Variants in ELAPOR1 observed in about 807,000 individuals in gnomAD.
The protein encoded by ELAPOR1 is endosome-lysosome associated apoptosis and autophagy regulator 1.
ELAPOR1 carries 77 observed loss-of-function variants against 119.7 expected under a neutral mutation model. The ratio of observed to expected loss-of-function variants is 0.64; its 90% CI spans 0.54 to 0.78. The LOEUF is 0.78. Among genes scored for constraint, ELAPOR1 ranks in the 30% least tolerant of loss-of-function variants. The pLI, the probability that ELAPOR1 is intolerant of heterozygous loss-of-function variation, is 0.00. For synonymous variants in ELAPOR1, 481 were observed against 487.2 expected (o/e 0.99, Z 0.17); for missense variants, 1,115 against 1,270.4 (o/e 0.88, Z 1.86).
chr1:109,151,189 G>T (rs2101019600), intron 1 of ELAPOR1, among the ~76,000 whole-genome samples: 1 of 152,298 alleles, frequency 6.6e-6, no homozygotes, highest in Admixed American at 6.5e-5. Flanking sequence ...AGAGAATCAG[G>T]ATCTTGGTGG....
rs1654295333 is a variant in ELAPOR1 at position 109,203,346 on chromosome 1, G to A, written c.*334G>A. The A allele has an allele frequency of 3.5e-6, 1 of 284,522 alleles. No individual in the cohort carries two copies. Among genetic ancestry groups the A allele is most frequent in the Non-Finnish European group, 6.5e-6 (1 of 152,750 alleles). 17.6% of individuals were successfully genotyped at this position (284,522 alleles called of 1,614,324 possible). Reference sequence around the variant, plus strand: ...AAATATTTCTATCTTCTTAAGTATAGAAACTATTTCCTCTGTCCTCTAACT... The same window carrying A: ...AAATATTTCTATCTTCTTAAGTATAAAAACTATTTCCTCTGTCCTCTAACT... On this transcript the variant is annotated 3_prime_UTR_variant, in exon 22 of 22. Transcript: ENST00000369939.
chr1:109,173,384 T>C, intron 5 of ELAPOR1, 90 bp from the exon 6 acceptor site: 1 of 1,033,852 alleles, frequency 9.7e-7, no homozygotes, highest in Non-Finnish European at 1.5e-6. Flanking sequence ...ATGCAGTTAG[T>C]AAGAGAAGTC....
chr1:109,165,062 G>A (rs953284214), intron 3 of ELAPOR1, among the ~76,000 whole-genome samples: 2 of 152,162 alleles, frequency 1.3e-5, no homozygotes, highest in Non-Finnish European at 2.9e-5. Flanking sequence ...AGGCTAATGT[G>A]GGAGGATTGC....
At chr1:109,177,817 T>G (rs545382047) in intron 7 of ELAPOR1, among the ~76,000 whole-genome samples, 17 of 152,186 alleles carry the variant, frequency 1.1e-4, no homozygotes, top group Non-Finnish European at 2.2e-4. Context: ...GGGCAGGGTT[T>G]GAATGGCAAG....
intron 7 of ELAPOR1, among the ~76,000 whole-genome samples, chr1:109,178,634 C>T (rs1652495016): frequency 6.6e-6 from 1 of 152,194 alleles, no homozygotes; most frequent in African/African-American, 2.4e-5. Context: ...TGCAGTAACT[C>T]TCCATGGTGT....
intron 3 of ELAPOR1, among the ~76,000 whole-genome samples, chr1:109,167,819 G>C (rs553239350): frequency 6.6e-6 from 1 of 152,046 alleles, no homozygotes; most frequent in Non-Finnish European, 1.5e-5. Context: ...ATGTTGCCCA[G>C]GTTGGACTCA....
chr1:109,144,153 G>A (rs187003780), intron 1 of ELAPOR1, among the ~76,000 whole-genome samples: 1 of 143,762 alleles, frequency 7.0e-6, no homozygotes, highest in African/African-American at 2.6e-5. Flanking sequence ...TCCACTTCCC[G>A]GGTTCAAGTG....
At position 109,200,934 on chromosome 1, in the gene ELAPOR1, T is replaced by G. The variant is rs560196795; in HGVS notation, c.2973+34T>G. ...CCTGGCCAGTGCACTGAGGTCAGCC[T>G]GGAGGGCTGGAGGAGACACTGCTCC... On this transcript the variant is annotated intron_variant, in intron 21 of 21. Coordinates refer to ENST00000369939, the MANE Select transcript of ELAPOR1 (RefSeq NM_020775.5). 3.1e-6 allele frequency: 5 copies of G among 1,592,734 alleles called. 1 individual carries two copies. In the East Asian group the frequency reaches 1.1e-4, roughly 36 times the overall value.
intron 1 of ELAPOR1, among the ~76,000 whole-genome samples, chr1:109,119,293 C>T (rs947188532): frequency 1.3e-5 from 2 of 151,498 alleles, no homozygotes; most frequent in African/African-American, 2.4e-5. Context: ...CCCTCCCAGG[C>T]TCAAGCCATC....
At chr1:109,161,845 G>A (rs1368975076) in intron 1 of ELAPOR1, 49 bp from the exon 2 acceptor site, 8 of 1,573,124 alleles carry the variant, frequency 5.1e-6, no homozygotes, top group Non-Finnish European at 7.0e-6. Context: ...AGCTGTTAAT[G>A]TTTGATCACT....
At chr1:109,120,373 C>T (rs909820895) in intron 1 of ELAPOR1, among the ~76,000 whole-genome samples, 3 of 149,338 alleles carry the variant, frequency 2.0e-5, no homozygotes, top group South Asian at 2.1e-4. Context: ...CTCCAGCCTG[C>T]GTGACAGAGC....
chr1:109,141,040 C>T (rs1206359266), intron 1 of ELAPOR1, among the ~76,000 whole-genome samples: 4 of 151,818 alleles, frequency 2.6e-5, no homozygotes, highest in African/African-American at 4.8e-5. Flanking sequence ...TTAGTAGAGA[C>T]GGGGTTTCAC....
intron 1 of ELAPOR1, among the ~76,000 whole-genome samples, chr1:109,138,834 C>A (rs867786043): frequency 2.3e-3 from 251 of 107,234 alleles, no homozygotes; most frequent in Middle Eastern, 5.9e-3. Context: ...AACTCCATCT[C>A]AAAAAAAAAA....
In ELAPOR1 at chr1:109,150,436, G is replaced by A. The variant is rs555139206; in HGVS notation, c.154-11458G>A. 3.3e-3 allele frequency among the ~76,000 whole-genome samples: 501 copies of A among 152,348 alleles called. 2 individuals carry two copies. Among genetic ancestry groups the A allele is most frequent in the African/African-American group, 0.011 (472 of 41,580 alleles). ...CCAGGGATTGAGGACGGCCAGCAAA[G>A]GCCGGCAGGACTGGGGTCCATTTGC... On this transcript the variant is annotated intron_variant, in intron 1 of 21. Transcript: ENST00000369939.
At chr1:109,153,429 G>A (rs905775881) in intron 1 of ELAPOR1, among the ~76,000 whole-genome samples, 2 of 152,166 alleles carry the variant, frequency 1.3e-5, no homozygotes, top group Non-Finnish European at 2.9e-5. Flanking sequence ...AAGAAACTGT[G>A]ATGCGGCCAT....
At chr1:109,159,401 G>A (rs961950431) in intron 1 of ELAPOR1, among the ~76,000 whole-genome samples, 2 of 152,196 alleles carry the variant, frequency 1.3e-5, no homozygotes, top group East Asian at 1.9e-4. Flanking sequence ...AATGAAAGAC[G>A]ATGAAAAGTA....
At chr1:109,168,674 A>C (rs1397266875) in intron 3 of ELAPOR1, among the ~76,000 whole-genome samples, 1 of 152,230 alleles carries the variant, frequency 6.6e-6, no homozygotes, top group Non-Finnish European at 1.5e-5. Context: ...CAGTGAAACA[A>C]GAATGAGAGA....
intron 9 of ELAPOR1, among the ~76,000 whole-genome samples, chr1:109,188,595 C>T (rs997752765): frequency 6.6e-6 from 1 of 152,182 alleles, no homozygotes; most frequent in African/African-American, 2.4e-5. Context: ...GCAAATGTGA[C>T]TCAGGACTGA....
intron 10 of ELAPOR1, 127 bp from the exon 11 acceptor site, chr1:109,189,465 C>T: frequency 1.1e-6 from 1 of 885,010 alleles, no homozygotes; most frequent in South Asian, 1.5e-5. Flanking sequence ...TAACACGGTT[C>T]ATGTTCAGTG....
Sources: gnomAD v4.1 joint callset for allele counts (sites outside exome capture counted in the v4.1 genomes callset) on GRCh38, gnomAD v4.1.1 for gene constraint, MANE v1.5 for transcripts, NCBI Gene and HGNC (gene_info 2026-07-23, HGNC 2026-07-21) for gene names.